The following HRK variants were observed in gnomAD, a reference collection of about 807,000 sequenced individuals.
HRK encodes the protein activator of apoptosis harakiri.
Under a neutral mutation model 5.9 loss-of-function variants are expected in HRK, and 6 were observed. That is an observed-to-expected ratio of 1.02 (90% CI 0.56 to 2.01). The LOEUF is 2.01. Among genes scored for constraint, HRK ranks in the 30% most tolerant of loss-of-function variants. HRK has a pLI of 0.00. For missense variants in HRK, 133 were observed against 128.3 expected, an observed-to-expected ratio of 1.04 and a Z score of -0.18; for synonymous variants, 85 against 65.1, an observed-to-expected ratio of 1.31 and a Z score of -1.47.
intron 1 of HRK, among the ~76,000 whole-genome samples, chr12:116,865,675 T>C (rs1593004967): frequency 6.6e-6 from 1 of 152,204 alleles, no homozygotes; most frequent in Admixed American, 6.5e-5. Flanking sequence ...CCACTCCCTT[T>C]CCCAGAGGCA....
At chr12:116,876,248 G>C (rs1048436909) in intron 1 of HRK, among the ~76,000 whole-genome samples, 1 of 152,094 alleles carries the variant, frequency 6.6e-6, no homozygotes, top group Non-Finnish European at 1.5e-5. Context: ...GCCCCTTCCC[G>C]GGGGGTTCCT....
intron 1 of HRK, among the ~76,000 whole-genome samples, chr12:116,864,902 T>C (rs954181280): frequency 6.6e-6 from 1 of 152,206 alleles, no homozygotes; most frequent in Non-Finnish European, 1.5e-5. Context: ...CCTTGGGATG[T>C]GTTCCCTTAA....
intron 1 of HRK, among the ~76,000 whole-genome samples, chr12:116,877,298 C>G (rs751662569): frequency 1.3e-5 from 2 of 152,058 alleles, no homozygotes; most frequent in Non-Finnish European, 2.9e-5. Flanking sequence ...TCAAGTGATC[C>G]GCCCACCTTG....
chr12:116,864,611 GA>G (rs1309097889), intron 1 of HRK, among the ~76,000 whole-genome samples: 1 of 152,132 alleles, frequency 6.6e-6, no homozygotes, highest in Admixed American at 6.6e-5. Context: ...CAAGGACAGT[GA>G]TAAGCATGGC....
intron 1 of HRK, among the ~76,000 whole-genome samples, chr12:116,875,264 G>A (rs767199817): frequency 1.6e-4 from 25 of 152,076 alleles, no homozygotes; most frequent in Non-Finnish European, 2.5e-4. Context: ...AACCACTCCC[G>A]CCCAGAGACA....
chr12:116,865,686 GC>G (rs1878517698), intron 1 of HRK, among the ~76,000 whole-genome samples: 1 of 152,170 alleles, frequency 6.6e-6, no homozygotes, highest in Non-Finnish European at 1.5e-5. Flanking sequence ...CCCAGAGGCA[GC>G]CAGTATTACC....
At position 116,858,228 on chromosome 12, in the gene HRK, C is replaced by G. The variant is rs986945772; in HGVS notation, c.*3295G>C. ...AACAGGAACTGGGGTCTAGGACATG[C>G]GCACGGCCTAGGACCATGGACAGCA... is the stretch of plus-strand genomic sequence containing the variant. On this transcript the variant is annotated 3_prime_UTR_variant, in exon 2 of 2. Coordinates refer to ENST00000257572, the MANE Select transcript of HRK (RefSeq NM_003806.4). 2 of 151,106 alleles carry G rather than the reference C, an allele frequency of 1.3e-5. No homozygotes were observed. The highest frequency in any genetic ancestry group is 6.6e-5 in the Admixed American group (1 of 15,164). 9.4% of individuals were successfully genotyped at this position (151,106 alleles called of 1,614,324 possible).
intron 1 of HRK, among the ~76,000 whole-genome samples, chr12:116,866,536 CTG>C (rs1363963972): frequency 4.6e-5 from 7 of 152,032 alleles, no homozygotes; most frequent in African/African-American, 1.7e-4. Context: ...GCACAGGAGA[CTG>C]TGGAAAGGAA....
chr12:116,868,295 G>A (rs1400546759), intron 1 of HRK, among the ~76,000 whole-genome samples: 1 of 151,302 alleles, frequency 6.6e-6, no homozygotes, highest in Admixed American at 6.6e-5. Flanking sequence ...AAACCACGCA[G>A]GTCAAACAGA....
intron 1 of HRK, among the ~76,000 whole-genome samples, chr12:116,873,892 A>G (rs1878844242): frequency 1.3e-5 from 2 of 152,170 alleles, no homozygotes; most frequent in Admixed American, 1.3e-4. Context: ...GATGTGGGCT[A>G]AATCAGAAAT....
At chr12:116,876,355 G>A (rs1021360646) in intron 1 of HRK, among the ~76,000 whole-genome samples, 2 of 152,226 alleles carry the variant, frequency 1.3e-5, no homozygotes, top group Non-Finnish European at 2.9e-5. Flanking sequence ...GAGCTGGGAG[G>A]GAGGCCTGCG....
In HRK at chr12:116,862,286, A is replaced by G. The variant is rs563160537; in HGVS notation, c.*57-820T>C. On this transcript the variant is annotated intron_variant, in intron 1 of 1. Coordinates refer to ENST00000257572, the MANE Select transcript of HRK (RefSeq NM_003806.4). This position sits in a 1 kb window ranked among gnomAD's most constrained non-coding sequence, Gnocchi z 4.0. ...TGTGTGCACAAATGCTCATGGCAGA[A>G]TTATCCATAATAGCAAAATACGGAA... is the stretch of plus-strand genomic sequence containing the variant. Among the ~76,000 whole-genome samples the G allele has an allele frequency of 2.6e-5, 4 of 152,364 alleles. No homozygotes were observed. Among genetic ancestry groups the G allele is most frequent in the Non-Finnish European group, 5.9e-5 (4 of 68,040 alleles).
Position 116,880,989 on chromosome 12 carries a change from C to T in HRK, c.*43G>A, listed in dbSNP as rs1430309196. The T allele has an allele frequency of 1.6e-6, 2 of 1,266,610 alleles. No individual in the cohort carries two copies. The highest frequency in any genetic ancestry group is 2.0e-6 in the Non-Finnish European group (2 of 999,782). 78.5% of individuals were successfully genotyped at this position (1,266,610 alleles called of 1,614,324 possible). ...TCGCTCGCGTACCTGTTGCTCGCTC[C>T]GGCTGGGTCTCGGCTCCGGCCCCAC... On this transcript the variant is annotated 3_prime_UTR_variant, in exon 1 of 2. Coordinates refer to ENST00000257572, the MANE Select transcript of HRK (RefSeq NM_003806.4).
In HRK at chr12:116,881,407, C is replaced by T. The variant is rs1265795566; in HGVS notation, c.-100G>A. 5 of 956,990 alleles carry T rather than the reference C, an allele frequency of 5.2e-6. No homozygotes were observed. The South Asian group carries it at 1.9e-4, about 37-fold the overall frequency. 59.3% of individuals were successfully genotyped at this position (956,990 alleles called of 1,614,324 possible). ...CCGCCGCGCTCCAGCCGCCGGGGGC[C>T]TCCCCTGGACACCAAGTTTCTCCTT... On this transcript the variant is annotated 5_prime_UTR_variant, in exon 1 of 2. Transcript: ENST00000257572.
intron 1 of HRK, among the ~76,000 whole-genome samples, chr12:116,871,631 ATT>A (rs201026561): frequency 1.4e-5 from 2 of 138,642 alleles, no homozygotes; most frequent in African/African-American, 2.7e-5. Flanking sequence ...TATTATTATT[ATT>A]TTTTTTTTTT....
rs1878244291 is a variant in HRK at position 116,858,618 on chromosome 12, ACACACT to A, written c.*2899_*2904del. 1 of 137,774 alleles carries A rather than the reference ACACACT, an allele frequency of 7.3e-6. No homozygotes were observed. The allele number at this position is 137,774 out of a possible 1,614,324, so 8.5% of individuals were successfully genotyped here. A position where few individuals can be genotyped will look rare whatever the true frequency, so the allele number is the denominator to read the frequency against. On this transcript the variant is annotated 3_prime_UTR_variant, in exon 2 of 2. Coordinates refer to ENST00000257572, the MANE Select transcript of HRK (RefSeq NM_003806.4). ...CACACACACACACACACACACACAC[ACACACT>A]GCTGTCTGCTGAAACCCGATATGAG...
intron 1 of HRK, among the ~76,000 whole-genome samples, chr12:116,868,557 A>C (rs1422357392): frequency 6.6e-6 from 1 of 152,220 alleles, no homozygotes; most frequent in Non-Finnish European, 1.5e-5. Flanking sequence ...AATTGGATCC[A>C]AACTATGTTT....
At position 116,878,654 on chromosome 12, in the gene HRK, G is replaced by A. The variant is rs1593011870; in HGVS notation, c.*56+2322C>T. ...GAGCAATTCTACGGGTGTCCCGAGG[G>A]TATGAGGGGCGGTGCTGCTGGGAAG... On this transcript the variant is annotated intron_variant, in intron 1 of 1. Transcript: ENST00000257572. The surrounding 1 kb of genome is among the most constrained non-coding windows in gnomAD (Gnocchi z 4.4). 1 of 153,278 alleles carries A rather than the reference G, an allele frequency of 6.5e-6. No homozygotes were observed. The highest frequency in any genetic ancestry group is 1.5e-5 in the Non-Finnish European group (1 of 68,822). The allele number at this position is 153,278 out of a possible 1,614,324, so 9.5% of individuals were successfully genotyped here.
intron 1 of HRK, among the ~76,000 whole-genome samples, chr12:116,864,619 T>C (rs1878473432): frequency 6.6e-6 from 1 of 152,076 alleles, no homozygotes; most frequent in South Asian, 2.1e-4. Context: ...GTGATAAGCA[T>C]GGCACAAACA....
Sources: allele counts gnomAD v4.1 joint callset (sites outside exome capture counted in the v4.1 genomes callset), GRCh38; gene constraint gnomAD v4.1.1; non-coding constraint Gnocchi (gnomAD v3.1); transcripts MANE v1.5; gene names NCBI Gene and HGNC (gene_info 2026-07-23, HGNC 2026-07-21).